The following RALGAPA2 variants were observed in gnomAD, a reference collection of about 807,000 sequenced individuals.
RALGAPA2 encodes ral GTPase-activating protein subunit alpha-2.
RALGAPA2 carries 139 observed loss-of-function variants against 230.4 expected under a neutral mutation model. The ratio of observed to expected loss-of-function variants is 0.60; its 90% CI spans 0.53 to 0.69. The LOEUF (loss-of-function observed/expected upper bound fraction) is 0.69. Among genes scored for constraint, RALGAPA2 ranks in the 30% least tolerant of loss-of-function variants. RALGAPA2 has a pLI of 0.00. For missense variants in RALGAPA2, 2,163 were observed against 2,276.0 expected (o/e 0.95, Z 1.01); for synonymous variants, 847 against 837.8 (o/e 1.01, Z -0.19).
At chr20:20,474,244 C>A (rs1403978541) in intron 36 of RALGAPA2, among the ~76,000 whole-genome samples, 1 of 152,098 alleles carries the variant, frequency 6.6e-6, no homozygotes, top group Non-Finnish European at 1.5e-5. Context: ...ACAGCACAGG[C>A]CTTGTGGTGG....
intron 26 of RALGAPA2, among the ~76,000 whole-genome samples, chr20:20,534,192 C>T (rs1056425398): frequency 2.0e-5 from 3 of 152,126 alleles, no homozygotes; most frequent in Admixed American, 2.0e-4. Context: ...TGCCTGTAAT[C>T]CCAGCACTTT....
At position 20,524,467 on chromosome 20, in the gene RALGAPA2, G is replaced by T. The variant is rs1750841550; in HGVS notation, c.3839C>A (p.Ser1280Tyr). Residue 1280 changes from serine to tyrosine, a missense_variant, in exon 30 of 40, where the codon TCC becomes TAC. Transcript: ENST00000202677. The part of the protein sequence containing the change: ...LPVSVLLHPV[S>Y]TAVLEEQHSA... ...ATGCTGCTCCTCTAGGACTGCTGTG[G>T]ACACGGGGTGGAGAAGGACACTCAC... The T allele has an allele frequency of 6.2e-7, 1 of 1,613,820 alleles. No individual in the cohort carries two copies. Among genetic ancestry groups the T allele is most frequent in the Non-Finnish European group, 8.5e-7 (1 of 1,179,866 alleles).
chr20:20,703,359 T>A lies in RALGAPA2; in HGVS notation c.106+9016A>T, dbSNP rs949884200. On this transcript the variant is annotated intron_variant, in intron 1 of 39. Transcript: ENST00000202677. ...GAATCTATATGGTAAATCCTTTAAA[T>A]GACATAATCTCTCTAAAATTCCTAT... is the stretch of plus-strand genomic sequence containing the variant. Among the ~76,000 whole-genome samples, 3 of 152,330 alleles carry A rather than the reference T, an allele frequency of 2.0e-5. No homozygotes were observed. The Middle Eastern group carries it at 0.01, about 518-fold the overall frequency.
intron 5 of RALGAPA2, 134 bp from the exon 6 acceptor site, chr20:20,641,012 G>A (rs920508804): frequency 1.8e-5 from 14 of 760,862 alleles, no homozygotes; most frequent in African/African-American, 3.5e-5. Flanking sequence ...TCTTCACTTA[G>A]TGACAAATAA....
chr20:20,670,083 A>G (rs1373059032), intron 3 of RALGAPA2, among the ~76,000 whole-genome samples: 1 of 152,276 alleles, frequency 6.6e-6, no homozygotes, highest in African/African-American at 2.4e-5. Flanking sequence ...TCTTACCAGT[A>G]GACTCTTCCG....
chr20:20,517,493 C>T (rs2062907438), intron 31 of RALGAPA2, among the ~76,000 whole-genome samples: 1 of 152,162 alleles, frequency 6.6e-6, no homozygotes, highest in Admixed American at 6.5e-5. Flanking sequence ...GGATACTTCC[C>T]CTACTGGCCT....
In RALGAPA2 at chr20:20,531,686, C is replaced by A. The variant is rs759480501; in HGVS notation, c.3582+1G>T. 1 of 1,594,232 alleles carries A rather than the reference C, an allele frequency of 6.3e-7. No homozygotes were observed. Among genetic ancestry groups the A allele is most frequent in the Non-Finnish European group, 8.6e-7 (1 of 1,167,388 alleles). ...CAATCAGCACCACAAACTGGTAATA[C>A]CTTCAGAGTTACTCCTATCACATTG... is the stretch of plus-strand genomic sequence containing the variant. On this transcript the variant is annotated splice_donor_variant, in intron 27 of 39. Transcript: ENST00000202677. LOFTEE classifies it high-confidence loss of function.
chr20:20,424,315 G>T (rs942183703), intron 37 of RALGAPA2, among the ~76,000 whole-genome samples: 12 of 152,316 alleles, frequency 7.9e-5, no homozygotes, highest in African/African-American at 2.9e-4. Flanking sequence ...CAGTAAAAAT[G>T]TAAGTGACAA....
At chr20:20,543,623 C>T (rs550576944) in intron 24 of RALGAPA2, among the ~76,000 whole-genome samples, 5 of 152,196 alleles carry the variant, frequency 3.3e-5, no homozygotes, top group Admixed American at 6.5e-5. Context: ...AGCAAACTAT[C>T]GCAAGGACAA....
At chr20:20,480,567 G>A (rs1481397453) in intron 36 of RALGAPA2, among the ~76,000 whole-genome samples, 1 of 152,140 alleles carries the variant, frequency 6.6e-6, no homozygotes, top group Non-Finnish European at 1.5e-5. Flanking sequence ...GTTCTCAGTG[G>A]GAAGAGGAAA....
chr20:20,430,955 C>T (rs1031872768), intron 37 of RALGAPA2, among the ~76,000 whole-genome samples: 1 of 151,898 alleles, frequency 6.6e-6, no homozygotes, highest in Non-Finnish European at 1.5e-5. Context: ...TCCCAGCATA[C>T]TACTGATATG....
chr20:20,503,451 G>T lies in RALGAPA2; in HGVS notation c.5108C>A (p.Thr1703Asn), dbSNP rs1286303805. Residue 1703 changes from threonine (T) to asparagine (N), a missense_variant, in exon 35 of 40, where the codon ACC (threonine) becomes AAC (asparagine). Coordinates refer to ENST00000202677, the MANE Select transcript of RALGAPA2 (RefSeq NM_020343.4). Reference protein sequence around the residue: ...FMGGLQRNGSTGQTAPYYATS... With the variant: ...FMGGLQRNGSNGQTAPYYATS... Reference sequence around the variant, plus strand: ...AGCATAGTAAGGGGCCGTCTGCCCGGTGCTGCCATTGCGCTGAAGGCCACC... The same window carrying T: ...AGCATAGTAAGGGGCCGTCTGCCCGTTGCTGCCATTGCGCTGAAGGCCACC... 5 of 1,607,350 alleles carry T rather than the reference G, an allele frequency of 3.1e-6. No individual in the cohort carries two copies. The highest frequency in any genetic ancestry group is 2.7e-5 in the African/African-American group (2 of 74,356).
At chr20:20,698,532 G>A (rs1037906651) in intron 1 of RALGAPA2, among the ~76,000 whole-genome samples, 1 of 152,092 alleles carries the variant, frequency 6.6e-6, no homozygotes, top group Non-Finnish European at 1.5e-5. Flanking sequence ...TGGGATTACA[G>A]GCACCCACCA....
intron 20 of RALGAPA2, among the ~76,000 whole-genome samples, chr20:20,579,122 C>CA (rs753520013): frequency 1.1e-4 from 16 of 151,834 alleles, no homozygotes; most frequent in East Asian, 5.8e-4. Flanking sequence ...GCAGAAGTGG[C>CA]AAAAAAATTT....
chr20:20,472,974 A>G lies in RALGAPA2; in HGVS notation c.5368-18T>C. On this transcript the variant is annotated intron_variant, in intron 36 of 39. Transcript: ENST00000202677. ...AATGGAACCTGTTGATTTGAAATGG[A>G]AAAACAAATTTTAAAAACTGATAAA... 2 of 1,589,380 alleles carry G rather than the reference A, an allele frequency of 1.3e-6. No individual in the cohort carries two copies. Among genetic ancestry groups the G allele is most frequent in the Admixed American group, 1.9e-5 (1 of 53,248 alleles).
chr20:20,582,510 T>C (rs937469844), intron 20 of RALGAPA2, among the ~76,000 whole-genome samples: 2 of 152,060 alleles, frequency 1.3e-5, no homozygotes, highest in African/African-American at 2.4e-5. Context: ...CTAAATGATA[T>C]ATTGCTTGAC....
intron 23 of RALGAPA2, among the ~76,000 whole-genome samples, chr20:20,555,638 T>C (rs545864166): frequency 2.5e-4 from 38 of 152,366 alleles, no homozygotes; most frequent in African/African-American, 8.2e-4. Flanking sequence ...AATTTATTCC[T>C]AAGTATTTGA....
intron 4 of RALGAPA2, among the ~76,000 whole-genome samples, chr20:20,652,989 C>T (rs1189940223): frequency 1.3e-5 from 2 of 151,470 alleles, no homozygotes; most frequent in East Asian, 1.9e-4. Flanking sequence ...GCCAGGAGTT[C>T]GAGACAGCCT....
At chr20:20,448,629 C>T (rs2060917649) in intron 37 of RALGAPA2, among the ~76,000 whole-genome samples, 1 of 152,138 alleles carries the variant, frequency 6.6e-6, no homozygotes, top group Non-Finnish European at 1.5e-5. Context: ...CAAAGTTTCC[C>T]AGGCAATTCT....
Sources: allele counts gnomAD v4.1 joint callset (sites outside exome capture counted in the v4.1 genomes callset), GRCh38; gene constraint gnomAD v4.1.1; transcripts MANE v1.5; gene names NCBI Gene and HGNC (gene_info 2026-07-23, HGNC 2026-07-21).